The following AGBL4 variants were observed in gnomAD, a reference collection of about 807,000 sequenced individuals.
The protein encoded by AGBL4 is AGBL carboxypeptidase 4, also known as cytosolic carboxypeptidase 6.
In AGBL4, 58 loss-of-function variants were observed where a neutral mutation model predicts 66.4. The observed-to-expected ratio is 0.87, with a 90% CI of 0.71 to 1.09. The LOEUF is 1.09. Ranked by LOEUF, AGBL4 falls within the 50% of genes least tolerant of loss-of-function variation. AGBL4 has a pLI of 0.00. For synonymous variants in AGBL4, 234 were observed against 222.9 expected, an observed-to-expected ratio of 1.05 and a Z score of -0.44; for missense variants, 579 against 631.0, an observed-to-expected ratio of 0.92 and a Z score of 0.88.
chr1:48,787,195 T>C (rs1219430825), intron 6 of AGBL4, among the ~76,000 whole-genome samples: 1 of 152,156 alleles, frequency 6.6e-6, no homozygotes. Context: ...TGGCTCCCAC[T>C]GAGTCTGACT....
At chr1:49,871,055 G>A (rs535970270) in intron 1 of AGBL4, among the ~76,000 whole-genome samples, 7 of 151,876 alleles carry the variant, frequency 4.6e-5, no homozygotes, top group African/African-American at 4.8e-5. Flanking sequence ...TGGAAGAGGC[G>A]GGCATGTGAA....
intron 3 of AGBL4, among the ~76,000 whole-genome samples, chr1:49,602,639 C>T (rs1014644216): frequency 4.0e-5 from 6 of 150,974 alleles, no homozygotes; most frequent in Admixed American, 6.6e-5. Context: ...GGGAGCTGGA[C>T]AATGAGAACA....
chr1:48,753,432 C>T (rs1652061678), intron 6 of AGBL4, among the ~76,000 whole-genome samples: 2 of 152,218 alleles, frequency 1.3e-5, no homozygotes, highest in Non-Finnish European at 1.5e-5. Flanking sequence ...ATTTGGCTGA[C>T]ATCAGCTGCC....
At chr1:48,875,152 A>G (rs1310385867) in intron 5 of AGBL4, among the ~76,000 whole-genome samples, 1 of 152,224 alleles carries the variant, frequency 6.6e-6, no homozygotes, top group Non-Finnish European at 1.5e-5. Context: ...TGTCAAGCAA[A>G]TAATCACACA....
chr1:48,575,365 A>C (rs548279540), intron 11 of AGBL4, among the ~76,000 whole-genome samples: 2 of 152,266 alleles, frequency 1.3e-5, no homozygotes, highest in East Asian at 3.9e-4. Flanking sequence ...AGATGAAAAG[A>C]GTTAGAAGGG....
intron 3 of AGBL4, among the ~76,000 whole-genome samples, chr1:49,521,817 TTAAAC>T (rs750224938): frequency 2.7e-4 from 41 of 152,048 alleles, no homozygotes; most frequent in Non-Finnish European, 5.6e-4. Context: ...TGGGACCTAA[TTAAAC>T]TAAAGAGTGT....
chr1:49,615,066 G>A (rs951042329), intron 3 of AGBL4, among the ~76,000 whole-genome samples: 2 of 152,080 alleles, frequency 1.3e-5, no homozygotes, highest in African/African-American at 4.8e-5. Flanking sequence ...CAACACATCA[G>A]TAACACAGTA....
chr1:49,656,142 G>A (rs1376203252), intron 3 of AGBL4, among the ~76,000 whole-genome samples: 13 of 147,900 alleles, frequency 8.8e-5, no homozygotes, highest in East Asian at 2.0e-4. Context: ...GTGAGACTCC[G>A]TCTCAAAAAA....
intron 3 of AGBL4, among the ~76,000 whole-genome samples, chr1:49,290,026 C>A (rs541314660): frequency 6.6e-6 from 1 of 151,944 alleles, no homozygotes; most frequent in African/African-American, 2.4e-5. Flanking sequence ...ATTTTTGATC[C>A]TAAAAATATA....
At chr1:49,463,365 T>C (rs1329466562) in intron 3 of AGBL4, among the ~76,000 whole-genome samples, 1 of 151,658 alleles carries the variant, frequency 6.6e-6, no homozygotes, top group Non-Finnish European at 1.5e-5. Flanking sequence ...ACTCTTCCAC[T>C]TAAAAATTTC....
intron 5 of AGBL4, among the ~76,000 whole-genome samples, chr1:48,925,285 A>G (rs1234229873): frequency 1.3e-5 from 2 of 152,118 alleles, no homozygotes; most frequent in Non-Finnish European, 2.9e-5. Context: ...AAAATAGCAT[A>G]GTATTTTGCA....
intron 3 of AGBL4, among the ~76,000 whole-genome samples, chr1:49,628,656 G>A (rs1558115081): frequency 1.3e-5 from 2 of 152,102 alleles, no homozygotes; most frequent in Non-Finnish European, 2.9e-5. Flanking sequence ...TCAGCATGAT[G>A]TCACTGAAGT....
chr1:49,883,350 T>C (rs917717865), intron 1 of AGBL4, among the ~76,000 whole-genome samples: 4 of 152,082 alleles, frequency 2.6e-5, no homozygotes, highest in African/African-American at 7.2e-5. Flanking sequence ...TAAAATGTCA[T>C]CTCCTCTGGG....
intron 5 of AGBL4, among the ~76,000 whole-genome samples, chr1:48,988,368 C>T (rs926196643): frequency 6.6e-6 from 1 of 152,130 alleles, no homozygotes; most frequent in African/African-American, 2.4e-5. Flanking sequence ...ATTTTATGCT[C>T]ATTATCTAAC....
chr1:49,038,942 G>T (rs942554008), intron 5 of AGBL4, among the ~76,000 whole-genome samples: 1 of 152,028 alleles, frequency 6.6e-6, no homozygotes, highest in African/African-American at 2.4e-5. Context: ...AAACCTAAAA[G>T]CAACTAAGAT....
chr1:49,809,678 A>G (rs1013630351), intron 2 of AGBL4, among the ~76,000 whole-genome samples: 12 of 152,162 alleles, frequency 7.9e-5, no homozygotes, highest in African/African-American at 2.9e-4. Flanking sequence ...TCTTACCACA[A>G]TAAAAAATAA....
intron 6 of AGBL4, among the ~76,000 whole-genome samples, chr1:48,825,493 T>C (rs373528822): frequency 6.6e-6 from 1 of 152,208 alleles, no homozygotes; most frequent in Non-Finnish European, 1.5e-5. Context: ...TATATATTTG[T>C]GTGATTGTTT....
At chr1:49,868,130 C>CA in intron 1 of AGBL4, among the ~76,000 whole-genome samples, 1 of 151,954 alleles carries the variant, frequency 6.6e-6, no homozygotes, top group Admixed American at 6.5e-5. Context: ...AGAGGGGATA[C>CA]AAAAAAATGG....
At chr1:49,789,054 G>A (rs567865471) in intron 2 of AGBL4, among the ~76,000 whole-genome samples, 6 of 152,174 alleles carry the variant, frequency 3.9e-5, no homozygotes, top group African/African-American at 1.2e-4. Flanking sequence ...AGCATGAAGC[G>A]GTGTTGAATT....
Sources: allele counts gnomAD v4.1 joint callset (sites outside exome capture counted in the v4.1 genomes callset), GRCh38; gene constraint gnomAD v4.1.1; transcripts MANE v1.5; gene names NCBI Gene and HGNC (gene_info 2026-07-23, HGNC 2026-07-21).